Variants in USH2A observed in about 807,000 individuals in gnomAD.
USH2A encodes the protein usherin, also known as Usher syndrome 2A (autosomal recessive, mild).
USH2A carries 443 observed loss-of-function variants against 538.9 expected under a neutral mutation model. The ratio of observed to expected loss-of-function variants is 0.82; its 90% confidence interval spans 0.76 to 0.89. The LOEUF is 0.89. Among genes scored for constraint, USH2A ranks in the 40% least tolerant of loss-of-function variants. The pLI is 0.00. For missense variants in USH2A, 6,633 were observed against 6,324.8 expected (o/e 1.05, Z -1.65); for synonymous variants, 2,413 against 2,273.5 (o/e 1.06, Z -1.75).
intron 26 of USH2A, 112 bp downstream of exon 26, chr1:216,083,344 A>T: frequency 8.0e-7 from 1 of 1,251,484 alleles, no homozygotes; most frequent in Non-Finnish European, 1.1e-6. Context: ...AAAATGAACA[A>T]ATGTGAATTT....
At position 216,120,219 on chromosome 1, in the gene USH2A, C is replaced by CAAAAAAAAAAAAAAAAA. The variant is rs10525093; in HGVS notation, c.4628-23023_4628-23007dup. 1.4e-4 allele frequency among the ~76,000 whole-genome samples: 14 copies of CAAAAAAAAAAAAAAAAA among 100,068 alleles called. 1 individual carries two copies. Among genetic ancestry groups the CAAAAAAAAAAAAAAAAA allele is most frequent in the East Asian group, 9.3e-4 (2 of 2,160 alleles). 65.6% of individuals were successfully genotyped at this position (100,068 alleles called of 152,430 possible). A position where few individuals can be genotyped will look rare whatever the true frequency, so the allele number is the denominator to read the frequency against. ...TATTAAAACAGGTCATACTAAATAG[C>CAAAAAAAAAAAAAAAAA]AAAAAAAAAAAAAAAAAAAAAAAAA... On this transcript the variant is annotated intron_variant, in intron 21 of 71. Transcript: ENST00000307340.
rs114307435 is a variant in USH2A at position 216,282,425 on chromosome 1, A to G, written c.1971+6855T>C. The stretch of plus-strand genomic sequence containing the variant: ...TATATGTGAGGTGGGGTAGGAGTCC[A>G]AGTTCATTCTTTTGCATATAAAAAC... On this transcript the variant is annotated intron_variant, in intron 11 of 71. Transcript: ENST00000307340. Among the ~76,000 whole-genome samples, 753 of 152,322 alleles carry G rather than the reference A, an allele frequency of 4.9e-3. 7 individuals are homozygous for G. Among genetic ancestry groups the G allele is most frequent in the African/African-American group, 0.018 (734 of 41,572 alleles).
chr1:216,377,892 G>GAAGA (rs1209859224), intron 3 of USH2A, among the ~76,000 whole-genome samples: 2 of 146,444 alleles, frequency 1.4e-5, no homozygotes, highest in East Asian at 2.0e-4. Flanking sequence ...AGGAAGGAAG[G>GAAGA]AAGAAAGAAA....
intron 61 of USH2A, among the ~76,000 whole-genome samples, chr1:215,717,792 G>A (rs1659527568): frequency 6.6e-6 from 1 of 152,218 alleles, no homozygotes; most frequent in African/African-American, 2.4e-5. Context: ...AGAAGCAATA[G>A]CCCAGGTTTT....
chr1:216,213,638 G>C (rs187747072), intron 15 of USH2A, among the ~76,000 whole-genome samples: 4 of 151,266 alleles, frequency 2.6e-5, no homozygotes, highest in Admixed American at 6.6e-5. Context: ...AAAACTGTAA[G>C]ATAAAAATGG....
intron 35 of USH2A, among the ~76,000 whole-genome samples, chr1:215,976,247 T>C (rs568591087): frequency 2.6e-5 from 4 of 152,286 alleles, no homozygotes; most frequent in African/African-American, 9.6e-5. Flanking sequence ...CATAAAATCA[T>C]ATCAGCAAAG....
chr1:215,765,472 T>C (rs576442060), intron 56 of USH2A, among the ~76,000 whole-genome samples: 105 of 152,300 alleles, frequency 6.9e-4, no homozygotes, highest in Non-Finnish European at 1.1e-3. Flanking sequence ...GGACAAGTAG[T>C]TCAGGAGTCT....
chr1:216,276,616 C>T (rs889398915), intron 11 of USH2A, among the ~76,000 whole-genome samples: 1 of 152,044 alleles, frequency 6.6e-6, no homozygotes, highest in African/African-American at 2.4e-5. Context: ...TAAAGACATA[C>T]CTGAGACTGG....
At chr1:216,121,441 T>C (rs370516259) in intron 21 of USH2A, among the ~76,000 whole-genome samples, 105 of 152,220 alleles carry the variant, frequency 6.9e-4, no homozygotes, top group African/African-American at 2.4e-3. Flanking sequence ...TTGATACCTG[T>C]TTTTATTTTA....
intron 64 of USH2A, among the ~76,000 whole-genome samples, chr1:215,666,647 G>T (rs1034239365): frequency 1.3e-5 from 2 of 152,118 alleles, no homozygotes; most frequent in African/African-American, 4.8e-5. Flanking sequence ...ATTTCCCCAG[G>T]TGATTCTAAT....
intron 13 of USH2A, among the ~76,000 whole-genome samples, chr1:216,234,598 A>C (rs949012649): frequency 3.3e-5 from 5 of 152,090 alleles, no homozygotes; most frequent in African/African-American, 1.2e-4. Flanking sequence ...CTAGGCCCTT[A>C]AATCCATGAT....
chr1:216,018,797 T>TTTA (rs560571739), intron 32 of USH2A, among the ~76,000 whole-genome samples: 3 of 37,010 alleles, frequency 8.1e-5, no homozygotes, highest in Non-Finnish European at 1.3e-4. Context: ...TAGCATCTCA[T>TTTA]TTATTATTAT....
At chr1:216,418,833 A>G (rs572767714) in intron 2 of USH2A, among the ~76,000 whole-genome samples, 154 bp from the exon 3 acceptor site, 3 of 152,254 alleles carry the variant, frequency 2.0e-5, no homozygotes, top group Admixed American at 6.5e-5. Context: ...ATATTCAATG[A>G]AAGCTTTATT....
intron 49 of USH2A, among the ~76,000 whole-genome samples, chr1:215,799,700 A>G (rs1481781329): frequency 1.3e-5 from 2 of 152,146 alleles, no homozygotes; most frequent in Non-Finnish European, 1.5e-5. Context: ...AGAATAAGAT[A>G]ATCCACCAGG....
intron 18 of USH2A, 137 bp from the exon 19 acceptor site, chr1:216,196,859 AATATGCTGGT>A: frequency 9.6e-7 from 1 of 1,039,074 alleles, no homozygotes; most frequent in South Asian, 1.4e-5. Flanking sequence ...AAAGTCCAAG[AATATGCTGGT>A]ATATGTAAAA....
At chr1:216,149,950 T>C (rs1412522986) in intron 21 of USH2A, among the ~76,000 whole-genome samples, 1 of 152,136 alleles carries the variant, frequency 6.6e-6, no homozygotes. Flanking sequence ...AAGTCGCAAG[T>C]ACTCTCCCCC....
chr1:216,084,734 C>T lies in USH2A; in HGVS notation c.5131G>A (p.Ala1711Thr), dbSNP rs535796173. The T allele has an allele frequency of 5.0e-5, 80 of 1,613,318 alleles. No homozygotes were observed. In the African/African-American group the frequency reaches 8.0e-4, roughly 16 times the overall value. ...NVYNSWEGCP[A>T]SLNEGAQFLG... Reference sequence around the variant, plus strand: ...AACTGAGCTCCCTCATTTAATGAAGCGGGACATCCCTCCCAGCTGTTATAC... The same window carrying T: ...AACTGAGCTCCCTCATTTAATGAAGTGGGACATCCCTCCCAGCTGTTATAC... Residue 1711 changes from alanine (A) to threonine (T), a missense_variant, in exon 25 of 72, where the codon GCT (alanine) becomes ACT (threonine). Transcript: ENST00000307340.
chr1:216,313,395 A>G (rs2037455594), intron 9 of USH2A, among the ~76,000 whole-genome samples: 1 of 152,154 alleles, frequency 6.6e-6, no homozygotes, highest in African/African-American at 2.4e-5. Flanking sequence ...TGAACTTTAC[A>G]AGTATTTCTC....
At chr1:215,897,447 G>A (rs914703252) in intron 40 of USH2A, among the ~76,000 whole-genome samples, 2 of 152,120 alleles carry the variant, frequency 1.3e-5, no homozygotes, top group African/African-American at 2.4e-5. Context: ...AGCACTTTGG[G>A]AGGCTGAGGC....
Sources: gnomAD v4.1 joint callset for allele counts (sites outside exome capture counted in the v4.1 genomes callset) on GRCh38, gnomAD v4.1.1 for gene constraint, MANE v1.5 for transcripts, NCBI Gene and HGNC (gene_info 2026-07-23, HGNC 2026-07-21) for gene names.